Variants in MARK1 observed in about 807,000 individuals in gnomAD.
MARK1 encodes microtubule affinity regulating kinase 1.
Under a neutral mutation model 96.3 loss-of-function variants are expected in MARK1, and 40 were observed. The observed-to-expected ratio is 0.42, with a 90% CI of 0.32 to 0.54. The LOEUF (loss-of-function observed/expected upper bound fraction) is 0.54. MARK1 is among the 20% of genes least tolerant of loss of function. The probability of loss-of-function intolerance (pLI) is 0.16; values close to 1 mark genes in which losing one functional copy is unlikely to be tolerated. For missense variants in MARK1, 719 were observed against 984.6 expected (o/e 0.73, Z 3.61); for synonymous variants, 317 against 341.2 (o/e 0.93, Z 0.78).
At chr1:220,571,743 A>AC (rs1284467448) in intron 1 of MARK1, 3 of 152,120 alleles carry the variant, frequency 2.0e-5, no homozygotes, top group African/African-American at 7.2e-5. Flanking sequence ...TTCTTTAGAG[A>AC]CAGGGTCTCA....
intron 1 of MARK1, among the ~76,000 whole-genome samples, chr1:220,529,864 TGGCTGATTTTCC>T (rs1423617414): frequency 6.6e-6 from 1 of 152,234 alleles, no homozygotes; most frequent in African/African-American, 2.4e-5. Flanking sequence ...AAATAGGGCT[TGGCTGATTTTCC>T]GACTGATTTT....
intron 9 of MARK1, chr1:220,627,039 T>C: frequency 1.8e-6 from 1 of 542,592 alleles, no homozygotes; most frequent in East Asian, 5.0e-5. Flanking sequence ...AGGCTCCACA[T>C]CAGTCCTTCC....
chr1:220,635,408 CTT>C lies in MARK1; in HGVS notation c.1156_1157del (p.Leu386ValfsTer8). 6.4e-7 allele frequency: 1 copy of C among 1,569,052 alleles called. No individual in the cohort carries two copies. Among genetic ancestry groups the C allele is most frequent in the Non-Finnish European group, 8.7e-7 (1 of 1,155,452 alleles). On this transcript the variant is annotated frameshift_variant, in exon 12 of 18. Transcript: ENST00000366917. LOFTEE classifies it high-confidence loss of function. ...EGGESLSSGN[L>X]CQRSRPSSDL... Reference sequence around the variant, plus strand: ...GTGGTGAATCGTTATCCAGTGGAAACTTGTGTCAGAGGTCCCGGCCCAGTAGT... The same window carrying C: ...GTGGTGAATCGTTATCCAGTGGAAACGTGTCAGAGGTCCCGGCCCAGTAGT...
Position 220,603,979 on chromosome 1 carries a change from T to C in MARK1, c.425-88T>C, listed in dbSNP as rs907184258. 6.6e-6 allele frequency: 5 copies of C among 757,896 alleles called. No individual in the cohort carries two copies. In the South Asian group the frequency reaches 7.3e-5, roughly 11 times the overall value. The allele number at this position is 757,896 out of a possible 1,614,324, so 46.9% of individuals were successfully genotyped here. ...GAAAATTGTGGGCCAAAAGTTTCTT[T>C]ATAAACAAGGAAAAAACTTGACATT... On this transcript the variant is annotated intron_variant, in intron 5 of 17. Coordinates refer to ENST00000366917, the MANE Select transcript of MARK1 (RefSeq NM_018650.5).
intron 3 of MARK1, among the ~76,000 whole-genome samples, chr1:220,597,064 A>G (rs1234544258): frequency 6.6e-6 from 1 of 152,078 alleles, no homozygotes; most frequent in Non-Finnish European, 1.5e-5. Flanking sequence ...CTTCCTTTTT[A>G]AGGCTGAATA....
intron 15 of MARK1, 52 bp downstream of exon 15, chr1:220,652,202 A>T: frequency 1.4e-6 from 2 of 1,431,316 alleles, no homozygotes; most frequent in Non-Finnish European, 1.9e-6. Context: ...CTAAAAATAT[A>T]GCACCATGTG....
At chr1:220,596,860 C>T (rs991124801) in intron 3 of MARK1, among the ~76,000 whole-genome samples, 9 of 152,132 alleles carry the variant, frequency 5.9e-5, no homozygotes, top group South Asian at 2.1e-4. Context: ...AACAGTAACC[C>T]GCCCAGTGCC....
intron 6 of MARK1, among the ~76,000 whole-genome samples, chr1:220,609,265 T>C (rs932812161): frequency 2.6e-5 from 4 of 152,236 alleles, no homozygotes; most frequent in African/African-American, 9.6e-5. Flanking sequence ...ATATTTAGGA[T>C]AGTTAGCTCT....
At chr1:220,585,972 T>C (rs114609990) in intron 3 of MARK1, among the ~76,000 whole-genome samples, 2,340 of 140,468 alleles carry the variant, frequency 0.017, 34 homozygotes, top group Middle Eastern at 0.05. Context: ...CTGCATCCAC[T>C]TTACATACGT....
intron 6 of MARK1, among the ~76,000 whole-genome samples, chr1:220,612,249 A>C (rs1212314989): frequency 6.6e-6 from 1 of 152,326 alleles, no homozygotes; most frequent in East Asian, 1.9e-4. Context: ...GAATTAGAGA[A>C]GTTGGAAATG....
At chr1:220,629,497 G>T (rs993018971) in intron 9 of MARK1, among the ~76,000 whole-genome samples, 1 of 151,702 alleles carries the variant, frequency 6.6e-6, no homozygotes, top group Non-Finnish European at 1.5e-5. Flanking sequence ...CATCTTGTGT[G>T]ACTAAAACTC....
intron 1 of MARK1, among the ~76,000 whole-genome samples, chr1:220,533,680 T>C (rs184334639): frequency 6.6e-6 from 1 of 152,328 alleles, no homozygotes; most frequent in Non-Finnish European, 1.5e-5. Context: ...ACATTGTTTC[T>C]GTTCAGGAGT....
At chr1:220,585,654 A>G (rs888691388) in intron 3 of MARK1, among the ~76,000 whole-genome samples, 2 of 152,188 alleles carry the variant, frequency 1.3e-5, no homozygotes, top group African/African-American at 2.4e-5. Flanking sequence ...ATATCCCTCA[A>G]ATTAAAACTT....
In MARK1 at chr1:220,662,012, G is replaced by T; in HGVS notation, c.2234G>T (p.Gly745Val). 1.2e-6 allele frequency: 2 copies of T among 1,614,194 alleles called. No individual in the cohort carries two copies. The highest frequency in any genetic ancestry group is 1.6e-4 in the Middle Eastern group (1 of 6,062). The change falls in exon 18 of 18, where the codon GGA becomes GTA. Residue 745 changes from glycine to valine, a missense_variant. Gly to Val is a moderately radical substitution (Grantham distance 109). Coordinates refer to ENST00000366917, the MANE Select transcript of MARK1 (RefSeq NM_018650.5). ...KERFLLFCVH[G>V]DARQDSLVQW... ...AGATTTTTGCTTTTCTGTGTCCATG[G>T]AGACGCTAGACAGGATAGCCTCGTG...
chr1:220,640,907 A>C (rs1558317118), intron 13 of MARK1, among the ~76,000 whole-genome samples: 1 of 152,214 alleles, frequency 6.6e-6, no homozygotes, highest in Admixed American at 6.5e-5. Flanking sequence ...TCAAGCTTCT[A>C]ACACAGGAAC....
chr1:220,657,760 A>G (rs534704002), intron 16 of MARK1, 30 bp from the exon 17 acceptor site: 4 of 1,520,760 alleles, frequency 2.6e-6, no homozygotes, highest in African/African-American at 2.9e-5. Flanking sequence ...TACTTTTATC[A>G]TTAAATCTCA....
At chr1:220,610,517 G>T (rs543058158) in intron 6 of MARK1, among the ~76,000 whole-genome samples, 2 of 152,156 alleles carry the variant, frequency 1.3e-5, no homozygotes, top group Non-Finnish European at 2.9e-5. Flanking sequence ...GTTTGGAGAA[G>T]TTTGTTATTA....
intron 5 of MARK1, among the ~76,000 whole-genome samples, chr1:220,603,478 A>G (rs1434016654): frequency 6.6e-6 from 1 of 152,084 alleles, no homozygotes. Context: ...CTGGGGTATT[A>G]GAGATACACA....
At chr1:220,616,737 GAATTTTC>G in intron 7 of MARK1, among the ~76,000 whole-genome samples, 1 of 152,166 alleles carries the variant, frequency 6.6e-6, no homozygotes, top group Non-Finnish European at 1.5e-5. Context: ...CAGAGCTTAT[GAATTTTC>G]TGTTGCTCCA....
Sources: gnomAD v4.1 joint callset for allele counts (sites outside exome capture counted in the v4.1 genomes callset) on GRCh38, gnomAD v4.1.1 for gene constraint, MANE v1.5 for transcripts, NCBI Gene and HGNC (gene_info 2026-07-23, HGNC 2026-07-21) for gene names.